KIF20B: variants seen among roughly 807,000 people sequenced by gnomAD.
KIF20B encodes kinesin family member 20B, also known as kinesin-like protein KIF20B.
Under a neutral mutation model 232.5 loss-of-function variants are expected in KIF20B, and 188 were observed. That is an observed-to-expected ratio of 0.81 (90% CI 0.72 to 0.91). The LOEUF (loss-of-function observed/expected upper bound fraction) is 0.91. KIF20B is among the 40% of genes least tolerant of loss of function. The pLI, the probability that KIF20B is intolerant of heterozygous loss-of-function variation, is 0.00. For missense variants in KIF20B, 2,154 were observed against 2,055.9 expected (o/e 1.05, Z -0.92); for synonymous variants, 712 against 683.0 (o/e 1.04, Z -0.66).
chr10:89,709,561 C>A, intron 4 of KIF20B, 100 bp downstream of exon 4: 2 of 718,178 alleles, frequency 2.8e-6, no homozygotes, highest in South Asian at 2.1e-5. Flanking sequence ...ACATTTTATG[C>A]TTATGCAACT....
In KIF20B at chr10:89,743,856, G is replaced by T. The variant is rs1288275610; in HGVS notation, c.3964G>T (p.Glu1322Ter). The T allele has an allele frequency of 1.3e-6, 2 of 1,570,388 alleles. No homozygotes were observed. The highest frequency in any genetic ancestry group is 1.4e-5 in the African/African-American group (1 of 73,076). ...EDKLLRIKIN[E>*]LEKKKNQCSQ... ...TAAATTACTGAGGATTAAAATTAAT[G>T]AACTGGAGAAAAAGAAAAACCAGTG... Residue 1322 changes from glutamate (E) to a stop codon, truncating the protein, a stop_gained, in exon 22 of 33, where the codon GAA (glutamate) becomes TAA (stop). Coordinates refer to ENST00000371728, the MANE Select transcript of KIF20B (RefSeq NM_001284259.2). LOFTEE classifies it high-confidence loss of function.
Position 89,705,354 on chromosome 10 carries a change from C to T in KIF20B, c.60C>T (p.Asp20=), listed in dbSNP as rs1842701087. The part of the protein sequence containing the change: ...VPRPSYVFSA[D]PIARPSEINF... ...GACCATCTTATGTTTTTAGTGCTGA[C>T]CCAATTGCAAGGCCTTCAGAAATAA... Residue 20 remains aspartate (D), a synonymous_variant, in exon 2 of 33, where the codon GAC becomes GAT. Transcript: ENST00000371728. The T allele has an allele frequency of 6.2e-7, 1 of 1,613,870 alleles. No homozygotes were observed.
chr10:89,771,151 G>A (rs1842453229), intron 31 of KIF20B, among the ~76,000 whole-genome samples: 1 of 151,960 alleles, frequency 6.6e-6, no homozygotes, highest in Non-Finnish European at 1.5e-5. Flanking sequence ...CTGATGGAAC[G>A]TTATTAGGGA....
chr10:89,708,230 A>C (rs1246088359), intron 2 of KIF20B, among the ~76,000 whole-genome samples: 3 of 133,832 alleles, frequency 2.2e-5, no homozygotes, highest in South Asian at 4.6e-4. Context: ...TTTTTTTTTG[A>C]GACGGAGTTC....
intron 15 of KIF20B, among the ~76,000 whole-genome samples, chr10:89,725,681 C>A (rs1843169681): frequency 6.6e-6 from 1 of 152,154 alleles, no homozygotes; most frequent in Non-Finnish European, 1.5e-5. Context: ...TTCAAGCAGT[C>A]CTCCTGCCCA....
chr10:89,732,089 C>CT (rs1444112158), intron 18 of KIF20B, among the ~76,000 whole-genome samples: 8 of 151,740 alleles, frequency 5.3e-5, no homozygotes, highest in South Asian at 2.1e-4. Flanking sequence ...ATATTATACC[C>CT]TTTTTTTGGA....
At chr10:89,772,070 T>C (rs529110132) in intron 31 of KIF20B, among the ~76,000 whole-genome samples, 2 of 152,076 alleles carry the variant, frequency 1.3e-5, no homozygotes, top group African/African-American at 4.8e-5. Context: ...ATATTTGATA[T>C]CACATGTGTG....
At chr10:89,747,594 G>C (rs988710974) in intron 23 of KIF20B, among the ~76,000 whole-genome samples, 2 of 151,720 alleles carry the variant, frequency 1.3e-5, no homozygotes, top group African/African-American at 4.9e-5. Context: ...TAGGGACATG[G>C]ATGAAGTTGG....
chr10:89,751,401 G>A lies in KIF20B; in HGVS notation c.4152G>A (p.Gln1384=). The A allele has an allele frequency of 6.2e-7, 1 of 1,607,826 alleles. No individual in the cohort carries two copies. The highest frequency in any genetic ancestry group is 1.1e-5 in the South Asian group (1 of 89,372). ...IEDMRMTLEE[Q]EQTQVEQDQV... ...ACATGCGAATGACACTAGAAGAACA[G>A]GAACAAACTCAGGTAGAACAGGATC... Residue 1384 remains glutamine, a synonymous_variant, in exon 24 of 33, where the codon CAG becomes CAA. Transcript: ENST00000371728.
rs1163530893 is a variant in KIF20B at position 89,715,176 on chromosome 10, A to G, written c.934A>G (p.Ile312Val). 1.3e-6 allele frequency: 2 copies of G among 1,570,766 alleles called. No individual in the cohort carries two copies. The highest frequency in any genetic ancestry group is 8.7e-7 in the Non-Finnish European group (1 of 1,150,706). ...LSQDVKGYSF[I>V]KDLQWIQVSD... ...CCAAGACGTAAAGGGCTATTCTTTT[A>G]TAAAAGGTATACTAATGAATATTTT... The change falls in exon 8 of 33, where the codon ATA becomes GTA. Residue 312 changes from isoleucine to valine, a missense_variant. Transcript: ENST00000371728.
Position 89,738,027 on chromosome 10 carries a change from A to G in KIF20B, c.3186A>G (p.Glu1062=). Reference sequence around the variant, plus strand: ...ACTCTAGTATTGAAGCTATTTGGGAAGAATGTAAAGAGATTGTGAAGGCCT... The same window carrying G: ...ACTCTAGTATTGAAGCTATTTGGGAGGAATGTAAAGAGATTGTGAAGGCCT... ...SFHSSIEAIW[E]ECKEIVKASS... is the part of the protein sequence containing the mutation. Residue 1062 remains glutamate (E), a synonymous_variant, in exon 20 of 33, where the codon GAA becomes GAG. Coordinates refer to ENST00000371728, the MANE Select transcript of KIF20B (RefSeq NM_001284259.2). 6.2e-7 allele frequency: 1 copy of G among 1,613,562 alleles called. No individual in the cohort carries two copies. Among genetic ancestry groups the G allele is most frequent in the Non-Finnish European group, 8.5e-7 (1 of 1,179,652 alleles).
At chr10:89,757,774 C>T (rs575118545) in intron 26 of KIF20B, among the ~76,000 whole-genome samples, 9 of 150,290 alleles carry the variant, frequency 6.0e-5, no homozygotes, top group Non-Finnish European at 1.0e-4. Context: ...CCACTTTTGT[C>T]GTAAATCATT....
At chr10:89,757,404 AG>A (rs1192485021) in intron 26 of KIF20B, among the ~76,000 whole-genome samples, 1 of 151,484 alleles carries the variant, frequency 6.6e-6, no homozygotes, top group African/African-American at 2.4e-5. Flanking sequence ...ATGTGTTGCA[AG>A]TACCTTCTTT....
chr10:89,746,599 C>T (rs976946684), intron 23 of KIF20B, among the ~76,000 whole-genome samples: 8 of 152,240 alleles, frequency 5.3e-5, no homozygotes, highest in Admixed American at 3.9e-4. Flanking sequence ...CGTGGCAGGC[C>T]AGGGTGGTCT....
At position 89,746,306 on chromosome 10, in the gene KIF20B, C is replaced by A. The variant is rs143607700; in HGVS notation, c.4096+347C>A. The stretch of plus-strand genomic sequence containing the variant: ...TCTTGCTCTAGTGTACTGGAAAAAT[C>A]GGATCACACATGGGCGTGTAGAAGG... On this transcript the variant is annotated intron_variant, in intron 23 of 32. Transcript: ENST00000371728. Among the ~76,000 whole-genome samples, 1,003 of 152,298 alleles carry A rather than the reference C, an allele frequency of 6.6e-3. 10 individuals carry two copies. Among genetic ancestry groups the A allele is most frequent in the African/African-American group, 0.023 (963 of 41,554 alleles).
At position 89,772,789 on chromosome 10, in the gene KIF20B, C is replaced by T. The variant is rs1381792150; in HGVS notation, c.5343C>T (p.Tyr1781=). 3.1e-6 allele frequency: 5 copies of T among 1,610,238 alleles called. No individual in the cohort carries two copies. Among genetic ancestry groups the T allele is most frequent in the Admixed American group, 3.4e-5 (2 of 59,620 alleles). The stretch of plus-strand genomic sequence containing the variant: ...CAAAACGAGCCAAACGGAAATTATA[C>T]ACAAGTGAAATTTCATCTCCTATTG... ...SQPKRAKRKL[Y]TSEISSPIDI... Residue 1781 remains tyrosine (Y), a synonymous_variant, in exon 32 of 33, where the codon TAC becomes TAT. Coordinates refer to ENST00000371728, the MANE Select transcript of KIF20B (RefSeq NM_001284259.2).
chr10:89,709,424 G>T lies in KIF20B; in HGVS notation c.314G>T (p.Ser105Ile), dbSNP rs1299300012. Reference sequence around the variant, plus strand: ...ATCCTTGGTCGGTTAAGTGAAAAAAGCTCAGGGCAGATGGCACAGAAATTC... The same window carrying T: ...ATCCTTGGTCGGTTAAGTGAAAAAATCTCAGGGCAGATGGCACAGAAATTC... ...QCILGRLSEK[S>I]SGQMAQKFSF... Residue 105 changes from serine (S) to isoleucine (I), a missense_variant, in exon 4 of 33, where the codon AGC becomes ATC. Coordinates refer to ENST00000371728, the MANE Select transcript of KIF20B (RefSeq NM_001284259.2). The T allele has an allele frequency of 6.2e-7, 1 of 1,613,194 alleles. No individual in the cohort carries two copies. Among genetic ancestry groups the T allele is most frequent in the South Asian group, 1.1e-5 (1 of 91,026 alleles).
chr10:89,718,613 A>G (rs1246113569), intron 11 of KIF20B, 97 bp from the exon 12 acceptor site: 2 of 890,292 alleles, frequency 2.2e-6, no homozygotes, highest in East Asian at 2.5e-5. Flanking sequence ...TAATTTCATG[A>G]TAGGTGGCTT....
At chr10:89,712,668 C>CAATA (rs1197027582) in intron 6 of KIF20B, among the ~76,000 whole-genome samples, 7 of 151,940 alleles carry the variant, frequency 4.6e-5, no homozygotes, top group Admixed American at 2.0e-4. Flanking sequence ...TGGAGACTGA[C>CAATA]AATAAATAAA....
Sources: gnomAD v4.1 joint callset for allele counts (sites outside exome capture counted in the v4.1 genomes callset) on GRCh38, gnomAD v4.1.1 for gene constraint, MANE v1.5 for transcripts, NCBI Gene and HGNC (gene_info 2026-07-23, HGNC 2026-07-21) for gene names.